CD207: variants seen among roughly 807,000 people sequenced by gnomAD.
CD207 encodes the protein C-type lectin domain family 4 member K.
CD207 carries 28 observed loss-of-function variants against 31.6 expected under a neutral mutation model. The observed-to-expected ratio is 0.89, with a 90% confidence interval of 0.66 to 1.21. The LOEUF (loss-of-function observed/expected upper bound fraction) is 1.21. Among genes scored for constraint, CD207 ranks in the 50% most tolerant of loss-of-function variants. The probability of loss-of-function intolerance (pLI) is 0.00; values close to 1 mark genes in which losing one functional copy is unlikely to be tolerated. For synonymous variants in CD207, 168 were observed against 153.9 expected (o/e 1.09, Z -0.68); for missense variants, 388 against 397.8 (o/e 0.98, Z 0.21).
At chr2:70,835,358 A>G in intron 2 of CD207, 133 bp downstream of exon 2, 1 of 696,528 alleles carries the variant, frequency 1.4e-6, no homozygotes, top group Non-Finnish European at 2.6e-6. Flanking sequence ...GCACATGGAA[A>G]GAGGAGGAAG....
At chr2:70,832,021 C>T (rs1677487715) in intron 4 of CD207, among the ~76,000 whole-genome samples, 1 of 152,206 alleles carries the variant, frequency 6.6e-6, no homozygotes, top group African/African-American at 2.4e-5. Flanking sequence ...CTGCAGCTAA[C>T]AAGCTCAGGA....
downstream of CD207, among the ~76,000 whole-genome samples, chr2:70,825,231 G>A (rs1677317411): frequency 6.6e-6 from 1 of 152,182 alleles, no homozygotes; most frequent in Non-Finnish European, 1.5e-5. Flanking sequence ...AACTGTCAAA[G>A]TCTTCAAAAA....
At chr2:70,825,921 G>A (rs115668422), downstream of CD207, among the ~76,000 whole-genome samples, 2,771 of 152,198 alleles carry the variant, frequency 0.018, 32 homozygotes, top group Non-Finnish European at 0.027. Context: ...TGAGGCAGGA[G>A]GATCACCTGA....
At chr2:70,833,154 A>T in intron 3 of CD207, 103 bp from the exon 4 acceptor site, 4 of 1,077,310 alleles carry the variant, frequency 3.7e-6, no homozygotes, top group Non-Finnish European at 5.6e-6. Flanking sequence ...CAGCAAATGG[A>T]GCTGTGCGCT....
intron 4 of CD207, among the ~76,000 whole-genome samples, 194 bp downstream of exon 4, chr2:70,832,706 G>T (rs1553400032): frequency 1.3e-5 from 2 of 152,208 alleles, no homozygotes; most frequent in Non-Finnish European, 2.9e-5. Flanking sequence ...GACTCCTTGG[G>T]CCTGGGTCCT....
At chr2:70,831,925 G>A in intron 4 of CD207, 106 bp from the exon 5 acceptor site, 3 of 746,964 alleles carry the variant, frequency 4.0e-6, no homozygotes, top group Non-Finnish European at 7.1e-6. Flanking sequence ...ACCCACAGAT[G>A]CGCTGCACAA....
intron 3 of CD207, 123 bp from the exon 4 acceptor site, chr2:70,833,174 G>T: frequency 2.3e-6 from 2 of 859,256 alleles, no homozygotes; most frequent in Non-Finnish European, 3.7e-6. Flanking sequence ...TGGTGTCCTT[G>T]GGTCCTTGTA....
downstream of CD207, among the ~76,000 whole-genome samples, chr2:70,825,543 T>A (rs1251217892): frequency 6.6e-6 from 1 of 152,086 alleles, no homozygotes; most frequent in African/African-American, 2.4e-5. Flanking sequence ...ATAAAGTTTT[T>A]AAAAAAAATT....
At chr2:70,828,412 G>T (rs781789530), downstream of CD207, among the ~76,000 whole-genome samples, 5 of 152,178 alleles carry the variant, frequency 3.3e-5, no homozygotes, top group Non-Finnish European at 7.3e-5. Context: ...GTTCAGGCTG[G>T]GGCACAGACT....
intron 5 of CD207, among the ~76,000 whole-genome samples, chr2:70,831,446 C>T (rs781940427): frequency 2.6e-5 from 4 of 152,190 alleles, no homozygotes; most frequent in Admixed American, 6.5e-5. Context: ...ACTGTGAAGA[C>T]CTAGACTCAT....
downstream of CD207, among the ~76,000 whole-genome samples, chr2:70,829,369 A>G (rs1297131884): frequency 1.3e-5 from 2 of 152,240 alleles, no homozygotes; most frequent in Non-Finnish European, 2.9e-5. Context: ...ACAGGGCCAC[A>G]TGGGGTCACC....
At chr2:70,831,325 C>T in intron 5 of CD207, 125 bp from the exon 6 acceptor site, 1 of 934,008 alleles carries the variant, frequency 1.1e-6, no homozygotes, top group Non-Finnish European at 1.6e-6. Context: ...CAAATGTCTG[C>T]ACCCAAGCCT....
At chr2:70,832,210 GC>G (rs1279585263) in intron 4 of CD207, among the ~76,000 whole-genome samples, 2 of 152,168 alleles carry the variant, frequency 1.3e-5, no homozygotes, top group Non-Finnish European at 2.9e-5. Context: ...TTCCTCTGAG[GC>G]AGGTGCCATC....
chr2:70,833,038 CT>C lies in CD207; in HGVS notation c.578del (p.Gln193ArgfsTer38). 3 of 1,613,916 alleles carry C rather than the reference CT, an allele frequency of 1.9e-6. No individual in the cohort carries two copies. In the South Asian group the frequency reaches 3.3e-5, roughly 18 times the overall value. On this transcript the variant is annotated frameshift_variant, in exon 4 of 6. Transcript: ENST00000410009. LOFTEE classifies it high-confidence loss of function. The part of the protein sequence containing the change: ...KLLKRQNDIL[Q>X]VVSQGWKYFK... ...AGTACTTCCAGCCTTGAGAAACCAC[CT>C]GTAGAATATCATCTAGAGAACAAGA...
chr2:70,832,922 G>A lies in CD207; in HGVS notation c.695C>T (p.Ser232Leu), dbSNP rs781970590. The A allele has an allele frequency of 8.1e-6, 13 of 1,613,812 alleles. No homozygotes were observed. The highest frequency in any genetic ancestry group is 1.7e-5 in the Admixed American group (1 of 60,014). Residue 232 changes from serine (S) to leucine (L), a missense_variant, in exon 4 of 6, where the codon TCG (serine) becomes TTG (leucine). Coordinates refer to ENST00000410009, the MANE Select transcript of CD207 (RefSeq NM_015717.5). ...FCVSRNSHLT[S>L]VTSESEQEFL... ...CACCTGCTCACTCTCTGAGGTCACC[G>A]AGGTCAGGTGTGAATTCCTGGACAC... is the stretch of plus-strand genomic sequence containing the variant.
chr2:70,826,987 C>T (rs1677360080), downstream of CD207, among the ~76,000 whole-genome samples: 1 of 152,188 alleles, frequency 6.6e-6, no homozygotes, highest in South Asian at 2.1e-4. Context: ...TCCAAAACCC[C>T]TCCTCTGGCT....
downstream of CD207, among the ~76,000 whole-genome samples, chr2:70,826,014 G>A (rs1553398850): frequency 3.3e-5 from 5 of 151,658 alleles, no homozygotes; most frequent in African/African-American, 1.2e-4. Context: ...TGGGCATGGT[G>A]GTGCACACCT....
chr2:70,829,880 G>A (rs941027871), downstream of CD207, among the ~76,000 whole-genome samples: 8 of 152,202 alleles, frequency 5.3e-5, no homozygotes, highest in Non-Finnish European at 1.2e-4. Context: ...ATTTGGAACT[G>A]ATGCCTGTGG....
At chr2:70,825,516 T>A (rs782716075), downstream of CD207, among the ~76,000 whole-genome samples, 2 of 152,194 alleles carry the variant, frequency 1.3e-5, no homozygotes, top group African/African-American at 2.4e-5. Flanking sequence ...TCTGTAAAGC[T>A]GAAACTATTC....
Sources: allele counts gnomAD v4.1 joint callset (sites outside exome capture counted in the v4.1 genomes callset), GRCh38; gene constraint gnomAD v4.1.1; transcripts MANE v1.5; gene names NCBI Gene and HGNC (gene_info 2026-07-23, HGNC 2026-07-21).